The following MOCS1 variants were observed in gnomAD, a reference collection of about 807,000 sequenced individuals.
MOCS1 encodes molybdenum cofactor synthesis 1, also known as molybdenum cofactor biosynthesis protein 1.
A neutral mutation model predicts 57.6 loss-of-function variants in MOCS1; 39 were observed. The observed-to-expected ratio is 0.68, with a 90% CI of 0.52 to 0.88. MOCS1 has a LOEUF of 0.88. MOCS1 is among the 40% of genes least tolerant of loss of function. The probability of loss-of-function intolerance (pLI) is 0.00; values close to 1 mark genes in which losing one functional copy is unlikely to be tolerated. For synonymous variants in MOCS1, 334 were observed against 335.7 expected (o/e 1.00, Z 0.05); for missense variants, 795 against 831.1 (o/e 0.96, Z 0.53).
chr6:39,921,014 C>T (rs544822207), intron 3 of MOCS1, among the ~76,000 whole-genome samples: 13 of 148,660 alleles, frequency 8.7e-5, no homozygotes, highest in African/African-American at 3.2e-4. Flanking sequence ...AGCAAGAAAA[C>T]GATAAATAGA....
rs577350788 is a variant in MOCS1, at chr6:39,931,686, T to C, written c.123+2609A>G. Among the ~76,000 whole-genome samples, 16 of 152,222 alleles carry C rather than the reference T, an allele frequency of 1.1e-4. No homozygotes were observed. The South Asian group carries it at 1.2e-3, about 12-fold the overall frequency. ...CTCATTCTCCCTCACCAGTGCCTGC[T>C]GTACTCCTTCTACCTTCACCCACAC... On this transcript the variant is annotated intron_variant, in intron 1 of 10. Transcript: ENST00000340692.
intron 1 of MOCS1, 120 bp downstream of exon 1, chr6:39,934,175 C>T: frequency 3.0e-6 from 4 of 1,317,008 alleles, no homozygotes; most frequent in Non-Finnish European, 4.0e-6. Context: ...CTGAGGAGTG[C>T]CAACGGGTCC....
Position 39,934,429 on chromosome 6 carries a change from C to G in MOCS1, c.-12G>C, listed in dbSNP as rs921161402. The G allele has an allele frequency of 5.1e-6, 8 of 1,565,330 alleles. No homozygotes were observed. The highest frequency in any genetic ancestry group is 1.8e-5 in the Admixed American group (1 of 54,798). ...GGCCGCGCCGCCATGAAGCCTGATA[C>G]GAGCGGAACCGCAGCCCGCTTCGGG... On this transcript the variant is annotated 5_prime_UTR_variant, in exon 1 of 11. Coordinates refer to ENST00000340692, the MANE Select transcript of MOCS1 (RefSeq NM_001358530.2).
chr6:39,929,248 C>T (rs543669603), intron 1 of MOCS1, among the ~76,000 whole-genome samples: 1 of 152,310 alleles, frequency 6.6e-6, no homozygotes, highest in South Asian at 2.1e-4. Context: ...ATAATCACAA[C>T]AGTCACTTCC....
At chr6:39,913,648 A>G (rs933429935) in intron 5 of MOCS1, 126 bp downstream of exon 5, 65 of 1,136,004 alleles carry the variant, frequency 5.7e-5, no homozygotes, top group Non-Finnish European at 8.2e-5. Context: ...AAGAGGTGGA[A>G]GGGTGCACGT....
intron 3 of MOCS1, among the ~76,000 whole-genome samples, chr6:39,918,451 T>C (rs1232546304): frequency 2.0e-5 from 3 of 152,248 alleles, no homozygotes; most frequent in African/African-American, 7.2e-5. Context: ...TTAAAGCCTT[T>C]GACCTGAAAT....
intron 5 of MOCS1, 44 bp downstream of exon 5, chr6:39,913,730 G>C: frequency 6.2e-7 from 1 of 1,603,112 alleles, no homozygotes; most frequent in Non-Finnish European, 8.5e-7. Context: ...GGCCAGGGCA[G>C]TGTGGAGGGA....
At chr6:39,909,698 G>A (rs1046335031) in intron 9 of MOCS1, 137 bp downstream of exon 9, 19 of 1,170,760 alleles carry the variant, frequency 1.6e-5, no homozygotes, top group Non-Finnish European at 2.1e-5. Flanking sequence ...AGCAGTGAGT[G>A]GTAGTGGGGA....
intron 3 of MOCS1, among the ~76,000 whole-genome samples, chr6:39,923,958 G>T (rs1768124158): frequency 6.6e-6 from 1 of 152,206 alleles, no homozygotes; most frequent in Non-Finnish European, 1.5e-5. Context: ...CAATTACTGA[G>T]CTAGAGAGCT....
chr6:39,929,003 C>T (rs1487147049), intron 1 of MOCS1, among the ~76,000 whole-genome samples: 2 of 152,194 alleles, frequency 1.3e-5, no homozygotes, highest in East Asian at 1.9e-4. Flanking sequence ...GAATCTGTTA[C>T]GTTTTCAATC....
At chr6:39,918,912 A>G (rs1056495007) in intron 3 of MOCS1, among the ~76,000 whole-genome samples, 1 of 152,198 alleles carries the variant, frequency 6.6e-6, no homozygotes, top group Non-Finnish European at 1.5e-5. Flanking sequence ...GACTCTACCA[A>G]TAAGGAAAAT....
chr6:39,928,373 C>G (rs1393391262), intron 1 of MOCS1, among the ~76,000 whole-genome samples: 1 of 152,082 alleles, frequency 6.6e-6, no homozygotes, highest in Non-Finnish European at 1.5e-5. Flanking sequence ...GCTGTGTTAG[C>G]CAGGATGGTC....
At position 39,906,371 on chromosome 6, in the gene MOCS1, A is replaced by C. The variant is rs1766934706; in HGVS notation, c.1897T>G (p.Phe633Val). Reference sequence around the variant, plus strand: ...AAGGGCAGGTGCTAAGCCCGATGGAAGTCCCCCCGCTGACCACCAGTCTTG... The same window carrying C: ...AAGGGCAGGTGCTAAGCCCGATGGACGTCCCCCCGCTGACCACCAGTCTTG... ...ISKTGGQRGD[F>V]HRA The change falls in exon 11 of 11, where the codon TTC (phenylalanine) becomes GTC (valine). Residue 633 changes from phenylalanine to valine, a missense_variant. Around this residue, in one of 3 missense-constraint regions of MOCS1, gnomAD observed 374 missense variants for 422.6 expected, o/e 0.89. Transcript: ENST00000340692. The C allele has an allele frequency of 6.3e-7, 1 of 1,595,874 alleles. No individual in the cohort carries two copies. Among genetic ancestry groups the C allele is most frequent in the East Asian group, 2.2e-5 (1 of 44,486 alleles).
Position 39,905,338 on chromosome 6 carries a change from C to G in MOCS1, c.*1019G>C, listed in dbSNP as rs1766807618. The G allele has an allele frequency of 2.2e-6, 1 of 457,872 alleles. No homozygotes were observed. The highest frequency in any genetic ancestry group is 2.0e-5 in the African/African-American group (1 of 50,066). The allele number at this position is 457,872 out of a possible 1,614,324, so 28.4% of individuals were successfully genotyped here. On this transcript the variant is annotated 3_prime_UTR_variant, in exon 11 of 11. Coordinates refer to ENST00000340692, the MANE Select transcript of MOCS1 (RefSeq NM_001358530.2). ...GTGCATTTCTATGCCCCCTACTCCACTTTATTTTCCCATAGCGGGGCTATA... is the reference window on the plus strand; with the variant it reads ...GTGCATTTCTATGCCCCCTACTCCAGTTTATTTTCCCATAGCGGGGCTATA...
intron 3 of MOCS1, among the ~76,000 whole-genome samples, chr6:39,924,866 G>A (rs1295491239): frequency 6.6e-6 from 1 of 152,048 alleles, no homozygotes; most frequent in African/African-American, 2.4e-5. Flanking sequence ...ATCACTTGAG[G>A]TCAGGGTTTC....
chr6:39,922,941 C>T (rs1477579547), intron 3 of MOCS1, among the ~76,000 whole-genome samples: 2 of 152,214 alleles, frequency 1.3e-5, no homozygotes, highest in African/African-American at 2.4e-5. Context: ...CACCAGCACC[C>T]ATCTGCCCTG....
At chr6:39,911,613 G>A (rs1767334206) in intron 8 of MOCS1, among the ~76,000 whole-genome samples, 1 of 152,154 alleles carries the variant, frequency 6.6e-6, no homozygotes, top group Non-Finnish European at 1.5e-5. Flanking sequence ...TCCCATAGCT[G>A]ACTTTAATCT....
intron 4 of MOCS1, among the ~76,000 whole-genome samples, chr6:39,914,199 G>A (rs888986298): frequency 6.6e-6 from 1 of 152,214 alleles, no homozygotes; most frequent in Non-Finnish European, 1.5e-5. Flanking sequence ...TCTGTAAAAT[G>A]CATTCTTGGC....
chr6:39,906,438 A>G lies in MOCS1; in HGVS notation c.1830T>C (p.Ala610=), dbSNP rs1766942349. The G allele has an allele frequency of 6.2e-7, 1 of 1,606,776 alleles. No homozygotes were observed. The highest frequency in any genetic ancestry group is 1.1e-5 in the South Asian group (1 of 90,960). The change falls in exon 11 of 11, where the codon GCT becomes GCC. Residue 610 remains alanine (A), a synonymous_variant. Coordinates refer to ENST00000340692, the MANE Select transcript of MOCS1 (RefSeq NM_001358530.2). ...CCTCCAACACGATGTCCCTGCTGAC[A>G]GCCTTGCACATGTCATACAGGGTGA... is the stretch of plus-strand genomic sequence containing the variant. ...AALTLYDMCK[A]VSRDIVLEEI...
Sources: allele counts gnomAD v4.1 joint callset (sites outside exome capture counted in the v4.1 genomes callset), GRCh38; gene constraint gnomAD v4.1.1; regional missense constraint gnomAD v4.1.1; transcripts MANE v1.5; gene names NCBI Gene and HGNC (gene_info 2026-07-23, HGNC 2026-07-21).